The following MTA3 variants were observed in gnomAD, a reference collection of about 807,000 sequenced individuals.
MTA3 encodes metastasis associated 1 family member 3, also known as metastasis-associated protein MTA3.
Under a neutral mutation model 83.5 loss-of-function variants are expected in MTA3, and 34 were observed. That is an observed-to-expected ratio of 0.41 (90% CI 0.31 to 0.54). MTA3 has a LOEUF of 0.54. Among genes scored for constraint, MTA3 ranks in the 20% least tolerant of loss-of-function variants. MTA3 has a pLI of 0.33. For synonymous variants in MTA3, 303 were observed against 252.7 expected, an observed-to-expected ratio of 1.20 and a Z score of -1.89; for missense variants, 761 against 726.4, an observed-to-expected ratio of 1.05 and a Z score of -0.55.
chr2:42,516,383 G>A (rs1675146912), intron 2 of MTA3, among the ~76,000 whole-genome samples: 1 of 152,100 alleles, frequency 6.6e-6, no homozygotes, highest in African/African-American at 2.4e-5. Context: ...TTTATTAAGC[G>A]CAGAAAATGG....
At chr2:42,627,639 C>A (rs1266519882) in intron 4 of MTA3, among the ~76,000 whole-genome samples, 1 of 151,756 alleles carries the variant, frequency 6.6e-6, no homozygotes, top group African/African-American at 2.4e-5. Context: ...TCTTGGCTCA[C>A]TGCAACCTCC....
At chr2:42,684,440 C>T (rs1196384854) in intron 9 of MTA3, among the ~76,000 whole-genome samples, 1 of 152,162 alleles carries the variant, frequency 6.6e-6, no homozygotes, top group Non-Finnish European at 1.5e-5. Flanking sequence ...TCTGGCAAAA[C>T]TTCACTCATA....
At chr2:42,707,089 G>T (rs556935338) in intron 12 of MTA3, among the ~76,000 whole-genome samples, 10 of 150,522 alleles carry the variant, frequency 6.6e-5, no homozygotes, top group African/African-American at 2.4e-4. Context: ...CTCAGTCTCT[G>T]TAGTCGCTGG....
intron 4 of MTA3, among the ~76,000 whole-genome samples, chr2:42,617,667 T>C (rs1355494387): frequency 6.6e-6 from 1 of 151,890 alleles, no homozygotes; most frequent in Non-Finnish European, 1.5e-5. Flanking sequence ...TCTCAGCTAC[T>C]AGGGAGGCTG....
intron 2 of MTA3, among the ~76,000 whole-genome samples, chr2:42,577,105 A>AAAAAATATATATAT (rs1211189566): frequency 2.3e-5 from 2 of 86,920 alleles, no homozygotes; most frequent in African/African-American, 1.1e-4. Context: ...AAAAAAAAAA[A>AAAAAATATATATAT]ATATATATAT....
chr2:42,571,751 C>T (rs1242571162), intron 2 of MTA3, among the ~76,000 whole-genome samples: 1 of 149,598 alleles, frequency 6.7e-6, no homozygotes, highest in Non-Finnish European at 1.5e-5. Flanking sequence ...AGTTTGAGAC[C>T]AGCCTGACCA....
At chr2:42,726,770 A>C (rs531836547) in intron 16 of MTA3, among the ~76,000 whole-genome samples, 1 of 152,296 alleles carries the variant, frequency 6.6e-6, no homozygotes, top group Non-Finnish European at 1.5e-5. Context: ...AAGGCCTTTT[A>C]AAGAAAGGCC....
upstream of MTA3, among the ~76,000 whole-genome samples, chr2:42,564,934 G>C (rs112410304): frequency 3.1e-3 from 471 of 152,082 alleles, 3 homozygotes; most frequent in African/African-American, 0.011. Flanking sequence ...TTGCCACCAT[G>C]CCCGGCTAAT....
chr2:42,753,283 G>A, intron 16 of MTA3, 91 bp from the exon 17 acceptor site: 1 of 1,542,438 alleles, frequency 6.5e-7, no homozygotes, highest in Non-Finnish European at 8.8e-7. Flanking sequence ...TGAAGGTTGT[G>A]ATGTTGGGAG....
At chr2:42,746,045 A>G (rs575683655) in intron 16 of MTA3, among the ~76,000 whole-genome samples, 2 of 151,118 alleles carry the variant, frequency 1.3e-5, no homozygotes, top group Admixed American at 1.3e-4. Context: ...ATCTCCTGAC[A>G]TTGTGATCCA....
At chr2:42,531,882 G>A (rs926836217) in intron 2 of MTA3, among the ~76,000 whole-genome samples, 2 of 151,950 alleles carry the variant, frequency 1.3e-5, no homozygotes, top group Non-Finnish European at 2.9e-5. Flanking sequence ...TCAGCCTCCC[G>A]AGTAGCTGGG....
At chr2:42,647,579 A>G (rs1341038793) in intron 6 of MTA3, among the ~76,000 whole-genome samples, 1 of 139,250 alleles carries the variant, frequency 7.2e-6, no homozygotes, top group Admixed American at 7.9e-5. Flanking sequence ...TGTTTTAACC[A>G]GAAACAAGGA....
chr2:42,685,359 A>G (rs1244761053), intron 9 of MTA3, among the ~76,000 whole-genome samples: 2 of 152,162 alleles, frequency 1.3e-5, no homozygotes, highest in Admixed American at 6.5e-5. Context: ...AGGGAAGATG[A>G]AGAAATAGAC....
intron 9 of MTA3, 89 bp downstream of exon 9, chr2:42,682,678 A>G (rs1266664164): frequency 5.8e-6 from 7 of 1,210,700 alleles, no homozygotes; most frequent in Non-Finnish European, 6.9e-6. Context: ...TTCATTTAGC[A>G]AGTTTGTGAG....
At chr2:42,722,777 G>T in intron 15 of MTA3, 112 bp from the exon 16 acceptor site, 1 of 1,270,358 alleles carries the variant, frequency 7.9e-7, no homozygotes, top group Non-Finnish European at 1.1e-6. Flanking sequence ...GGCTCAGGAG[G>T]AACTGACTCT....
chr2:42,676,348 G>GT (rs1691350046), intron 8 of MTA3, among the ~76,000 whole-genome samples: 1 of 152,172 alleles, frequency 6.6e-6, no homozygotes, highest in African/African-American at 2.4e-5. Flanking sequence ...AAGAAAAGCA[G>GT]TTTCACTCAT....
Position 42,719,003 on chromosome 2 carries a change from C to G in MTA3, c.1541C>G (p.Ala514Gly). The G allele has an allele frequency of 8.4e-6, 13 of 1,550,240 alleles. No individual in the cohort carries two copies. The highest frequency in any genetic ancestry group is 1.2e-5 in the South Asian group (1 of 84,052). The change falls in exon 15 of 17, where the codon GCT becomes GGT. Residue 514 changes from alanine (A) to glycine (G), a missense_variant. Coordinates refer to ENST00000405094, the MANE Select transcript of MTA3 (RefSeq NM_001330442.2). ...AIRAEYADRH[A>G]ELSGSPLKSK... Reference sequence around the variant, plus strand: ...CTCTCCTCAGATGCAGACAGACATGCTGAACTATCTGGAAGTCCACTGAAA... The same window carrying G: ...CTCTCCTCAGATGCAGACAGACATGGTGAACTATCTGGAAGTCCACTGAAA...
chr2:42,664,426 T>G (rs945869670), intron 8 of MTA3, among the ~76,000 whole-genome samples: 4 of 151,690 alleles, frequency 2.6e-5, no homozygotes, highest in African/African-American at 9.7e-5. Flanking sequence ...ATTCTTTTCT[T>G]TGAGTATTTA....
intron 4 of MTA3, among the ~76,000 whole-genome samples, chr2:42,610,982 C>CTTTTTT (rs773889459): frequency 6.6e-5 from 9 of 135,990 alleles, no homozygotes; most frequent in Non-Finnish European, 9.6e-5. Flanking sequence ...CTTTTCTTTT[C>CTTTTTT]TTTTTTTTTT....
Sources: gnomAD v4.1 joint callset for allele counts (sites outside exome capture counted in the v4.1 genomes callset) on GRCh38, gnomAD v4.1.1 for gene constraint, MANE v1.5 for transcripts, NCBI Gene and HGNC (gene_info 2026-07-23, HGNC 2026-07-21) for gene names.